The following ABTB3 variants were observed in gnomAD, a reference collection of about 807,000 sequenced individuals.
The protein encoded by ABTB3 is ankyrin repeat and BTB domain containing 3.
At chr12:107,493,340 G>A in the ABTB3 span, among the ~76,000 whole-genome samples, 1 of 152,144 alleles carries the variant, frequency 6.6e-6, no homozygotes, top group Non-Finnish European at 1.5e-5. Context: ...TGCTCTCTGG[G>A]GCAGGGCATA....
chr12:107,547,505 G>C, the ABTB3 span, among the ~76,000 whole-genome samples: 1 of 152,146 alleles, frequency 6.6e-6, no homozygotes, highest in East Asian at 1.9e-4. Context: ...CAAACCTTCT[G>C]GGACAAGTTT....
the ABTB3 span, among the ~76,000 whole-genome samples, chr12:107,359,543 T>C: frequency 1.3e-5 from 2 of 152,030 alleles, no homozygotes; most frequent in Admixed American, 1.3e-4. Context: ...TGATGTCATA[T>C]TAAAATGAAA....
chr12:107,508,442 T>C, the ABTB3 span, among the ~76,000 whole-genome samples: 3 of 72,836 alleles, frequency 4.1e-5, no homozygotes, highest in Non-Finnish European at 7.8e-5. Flanking sequence ...TCATTTCTTT[T>C]TTTTTTTTTT....
At chr12:107,585,697 CA>C in the ABTB3 span, among the ~76,000 whole-genome samples, 2 of 152,132 alleles carry the variant, frequency 1.3e-5, no homozygotes, top group Admixed American at 1.3e-4. Context: ...TGGTGTGGGC[CA>C]AACTGGATTA....
At chr12:107,552,555 C>A in the ABTB3 span, among the ~76,000 whole-genome samples, 7 of 152,242 alleles carry the variant, frequency 4.6e-5, no homozygotes, top group South Asian at 1.5e-3. Flanking sequence ...CATTGGATAG[C>A]CTTCAAAAGC....
At chr12:107,560,768 A>G in the ABTB3 span, among the ~76,000 whole-genome samples, 1 of 152,146 alleles carries the variant, frequency 6.6e-6, no homozygotes, top group Non-Finnish European at 1.5e-5. Context: ...TCAGAAAGCA[A>G]GTTTTGAGCT....
chr12:107,469,993 T>TC, the ABTB3 span, among the ~76,000 whole-genome samples: 4 of 104,862 alleles, frequency 3.8e-5, no homozygotes, highest in African/African-American at 1.6e-4. Context: ...TCTTTCTTTC[T>TC]TTCTTTCTTT....
chr12:107,640,519 A>G, the ABTB3 span: 8 of 647,340 alleles, frequency 1.2e-5, no homozygotes, highest in African/African-American at 1.8e-5. Context: ...CTGGCTGGTC[A>G]TCTTCACAAA....
the ABTB3 span, among the ~76,000 whole-genome samples, chr12:107,497,106 G>A: frequency 6.6e-6 from 1 of 152,056 alleles, no homozygotes; most frequent in African/African-American, 2.4e-5. Flanking sequence ...CATAGTGGGT[G>A]TCAGCTCCTA....
At chr12:107,613,783 G>A in the ABTB3 span, among the ~76,000 whole-genome samples, 1 of 152,108 alleles carries the variant, frequency 6.6e-6, no homozygotes, top group African/African-American at 2.4e-5. Context: ...AGAGATTGAC[G>A]GGCTGAAATC....
the ABTB3 span, among the ~76,000 whole-genome samples, chr12:107,487,925 C>T: frequency 6.6e-6 from 1 of 151,440 alleles, no homozygotes; most frequent in African/African-American, 2.4e-5. Context: ...GGAAAGGGGG[C>T]CCGCTTTCAG....
At chr12:107,323,972 T>C in the ABTB3 span, among the ~76,000 whole-genome samples, 2 of 152,210 alleles carry the variant, frequency 1.3e-5, no homozygotes, top group African/African-American at 2.4e-5. Context: ...CTCTAGGATT[T>C]GAATTTCAAG....
At chr12:107,614,918 G>T in the ABTB3 span, 5 of 650,452 alleles carry the variant, frequency 7.7e-6, no homozygotes, top group East Asian at 1.4e-4. Flanking sequence ...TCCCTGCCCT[G>T]TATCACCAGC....
the ABTB3 span, among the ~76,000 whole-genome samples, chr12:107,368,933 G>A: frequency 1.3e-5 from 2 of 151,914 alleles, no homozygotes; most frequent in East Asian, 3.9e-4. Flanking sequence ...TTTTTCTATT[G>A]CATTTCCTTT....
chr12:107,327,158 T>C, the ABTB3 span, among the ~76,000 whole-genome samples: 1 of 152,224 alleles, frequency 6.6e-6, no homozygotes, highest in Non-Finnish European at 1.5e-5. Flanking sequence ...TTATAGATTT[T>C]GCAATGCAAT....
the ABTB3 span, among the ~76,000 whole-genome samples, chr12:107,353,106 G>A: frequency 1.3e-5 from 2 of 152,166 alleles, no homozygotes; most frequent in Admixed American, 6.5e-5. Flanking sequence ...CACACTCAAG[G>A]CCAAGAGTCA....
chr12:107,381,293 T>G, the ABTB3 span, among the ~76,000 whole-genome samples: 1 of 152,218 alleles, frequency 6.6e-6, no homozygotes, highest in African/African-American at 2.4e-5. Context: ...AAATACTTGC[T>G]GAAACAAATG....
At chr12:107,570,762 G>T in the ABTB3 span, among the ~76,000 whole-genome samples, 165 of 152,214 alleles carry the variant, frequency 1.1e-3, no homozygotes, top group African/African-American at 3.7e-3. Flanking sequence ...CTACCTGTCT[G>T]CTCCTCCCCC....
the ABTB3 span, among the ~76,000 whole-genome samples, chr12:107,532,822 T>C: frequency 2.0e-5 from 3 of 152,030 alleles, no homozygotes; most frequent in Non-Finnish European, 4.4e-5. Flanking sequence ...TAGAAACAGA[T>C]TTCTCAGCAG....
Sources: allele counts gnomAD v4.1 joint callset (sites outside exome capture counted in the v4.1 genomes callset), GRCh38; gene constraint gnomAD v4.1.1; transcripts MANE v1.5; gene names NCBI Gene and HGNC (gene_info 2026-07-23, HGNC 2026-07-21).